Variants in LRBA observed in about 807,000 individuals in gnomAD.
LRBA encodes LPS responsive beige-like anchor protein.
In LRBA, 176 loss-of-function variants were observed where a neutral mutation model predicts 330.0. The ratio of observed to expected loss-of-function variants is 0.53; its 90% CI spans 0.47 to 0.60. LRBA has a LOEUF of 0.60. LRBA is among the 20% of genes least tolerant of loss of function. LRBA has a pLI of 0.00. For synonymous variants in LRBA, 1,230 were observed against 1,193.0 expected (o/e 1.03, Z -0.64); for missense variants, 3,259 against 3,444.8 (o/e 0.95, Z 1.35).
intron 40 of LRBA, among the ~76,000 whole-genome samples, chr4:150,557,440 T>C (rs1333600367): frequency 6.6e-6 from 1 of 151,982 alleles, no homozygotes; most frequent in African/African-American, 2.4e-5. Flanking sequence ...AGGGAAGAAC[T>C]GTTAAGCGGA....
chr4:150,318,675 A>G (rs1305588384), intron 50 of LRBA, among the ~76,000 whole-genome samples: 1 of 152,180 alleles, frequency 6.6e-6, no homozygotes, highest in Non-Finnish European at 1.5e-5. Flanking sequence ...ACATTCTAGA[A>G]AGATAACTGC....
intron 37 of LRBA, among the ~76,000 whole-genome samples, chr4:150,678,009 G>A (rs941663475): frequency 1.3e-5 from 2 of 152,016 alleles, no homozygotes; most frequent in Non-Finnish European, 2.9e-5. Flanking sequence ...GGAGGCCGAG[G>A]TGGGCAGATA....
At chr4:151,002,003 G>GA (rs1267867301) in intron 2 of LRBA, among the ~76,000 whole-genome samples, 4 of 151,186 alleles carry the variant, frequency 2.6e-5, no homozygotes, top group East Asian at 1.9e-4. Flanking sequence ...GTTTATACCT[G>GA]AAAAAAAATC....
At chr4:151,005,550 A>T (rs1743951351) in intron 2 of LRBA, among the ~76,000 whole-genome samples, 1 of 146,794 alleles carries the variant, frequency 6.8e-6, no homozygotes, top group Non-Finnish European at 1.5e-5. Context: ...TTTGAAAATA[A>T]TGACACTGTT....
chr4:150,476,463 G>C (rs1289328918), intron 42 of LRBA, among the ~76,000 whole-genome samples: 1 of 152,028 alleles, frequency 6.6e-6, no homozygotes, highest in Non-Finnish European at 1.5e-5. Context: ...TAGGTTCTGG[G>C]AGGTATACAG....
intron 44 of LRBA, among the ~76,000 whole-genome samples, chr4:150,465,738 C>G (rs1368077800): frequency 6.6e-6 from 1 of 151,914 alleles, no homozygotes; most frequent in African/African-American, 2.4e-5. Context: ...ATATTAATCC[C>G]TTATTAGACA....
At position 150,282,439 on chromosome 4, in the gene LRBA, A is replaced by T. The variant is rs1747661729; in HGVS notation, c.8316+11T>A. The stretch of plus-strand genomic sequence containing the variant: ...AAGTCGTGAATGCTGAAGAGTCCCC[A>T]GGGCACTCACTCTTATGTTATCATC... On this transcript the variant is annotated intron_variant, in intron 55 of 56. Coordinates refer to ENST00000651943, the MANE Select transcript of LRBA (RefSeq NM_001364905.1). 1.2e-6 allele frequency: 2 copies of T among 1,610,696 alleles called. No individual in the cohort carries two copies. The highest frequency in any genetic ancestry group is 1.7e-6 in the Non-Finnish European group (2 of 1,177,504).
At chr4:150,756,792 T>C (rs967973810) in intron 35 of LRBA, among the ~76,000 whole-genome samples, 2 of 152,196 alleles carry the variant, frequency 1.3e-5, no homozygotes, top group African/African-American at 4.8e-5. Flanking sequence ...GATGTGGTGC[T>C]ACAGCATCAC....
chr4:150,968,017 T>C (rs1739099272), intron 2 of LRBA, among the ~76,000 whole-genome samples: 1 of 150,648 alleles, frequency 6.6e-6, no homozygotes, highest in African/African-American at 2.5e-5. Context: ...TTTTTTTTTT[T>C]TTTTTGAGAC....
intron 36 of LRBA, among the ~76,000 whole-genome samples, chr4:150,691,424 T>C (rs948095255): frequency 9.9e-5 from 15 of 152,088 alleles, no homozygotes; most frequent in African/African-American, 3.4e-4. Context: ...ACAAAAGATA[T>C]ACAAATGGCT....
intron 34 of LRBA, among the ~76,000 whole-genome samples, chr4:150,782,065 C>T (rs933733631): frequency 6.6e-6 from 1 of 152,064 alleles, no homozygotes; most frequent in African/African-American, 2.4e-5. Flanking sequence ...CACCATCGTG[C>T]CCAGCTAATT....
At chr4:150,514,318 C>G (rs748856052) in intron 40 of LRBA, among the ~76,000 whole-genome samples, 1 of 152,122 alleles carries the variant, frequency 6.6e-6, no homozygotes, top group South Asian at 2.1e-4. Flanking sequence ...GTGATCCACC[C>G]GCCTTGGCCT....
intron 55 of LRBA, among the ~76,000 whole-genome samples, chr4:150,281,246 G>C (rs745982729): frequency 6.6e-6 from 1 of 152,166 alleles, no homozygotes; most frequent in Non-Finnish European, 1.5e-5. Context: ...CCTCTGATGT[G>C]TACTTGGTTT....
At chr4:150,999,786 T>C (rs1044872417) in intron 2 of LRBA, among the ~76,000 whole-genome samples, 7 of 151,876 alleles carry the variant, frequency 4.6e-5, no homozygotes, top group African/African-American at 1.7e-4. Context: ...GTTCTGGTAA[T>C]AAACATTTCC....
chr4:150,741,709 A>AT (rs1196163793), intron 35 of LRBA, among the ~76,000 whole-genome samples: 5 of 152,146 alleles, frequency 3.3e-5, no homozygotes, highest in Non-Finnish European at 7.4e-5. Flanking sequence ...TATGCATAAC[A>AT]ATATGAATTT....
intron 40 of LRBA, among the ~76,000 whole-genome samples, chr4:150,553,079 A>AG (rs1766826332): frequency 6.6e-6 from 1 of 151,834 alleles, no homozygotes; most frequent in Non-Finnish European, 1.5e-5. Flanking sequence ...AAAAAAAAAA[A>AG]GAAAAAAAGA....
chr4:150,613,623 T>C (rs935815669), intron 37 of LRBA, among the ~76,000 whole-genome samples: 12 of 152,230 alleles, frequency 7.9e-5, no homozygotes, highest in African/African-American at 2.9e-4. Context: ...GTGTGATTTT[T>C]TTCAGGCCTT....
chr4:150,556,603 T>C (rs1187078982), intron 40 of LRBA, among the ~76,000 whole-genome samples: 2 of 152,236 alleles, frequency 1.3e-5, no homozygotes, highest in East Asian at 1.9e-4. Flanking sequence ...AGCTCATTGA[T>C]TGCTTCTGCA....
intron 22 of LRBA, among the ~76,000 whole-genome samples, chr4:150,854,328 A>G (rs1260312141): frequency 6.6e-6 from 1 of 152,202 alleles, no homozygotes; most frequent in Non-Finnish European, 1.5e-5. Flanking sequence ...AAACAGTAAA[A>G]TGACATAATC....
Sources: allele counts gnomAD v4.1 joint callset (sites outside exome capture counted in the v4.1 genomes callset), GRCh38; gene constraint gnomAD v4.1.1; transcripts MANE v1.5; gene names NCBI Gene and HGNC (gene_info 2026-07-23, HGNC 2026-07-21).